ZFAT: variants seen among roughly 807,000 people sequenced by gnomAD.
The protein encoded by ZFAT is zinc finger and AT-hook domain containing.
A neutral mutation model predicts 117.7 loss-of-function variants in ZFAT; 64 were observed. That is an observed-to-expected ratio of 0.54 (90% confidence interval 0.44 to 0.67). The LOEUF is 0.67. Among genes scored for constraint, ZFAT ranks in the 30% least tolerant of loss-of-function variants. The pLI is 0.00. For synonymous variants in ZFAT, 679 were observed against 615.0 expected (o/e 1.10, Z -1.54); for missense variants, 1,433 against 1,584.5 (o/e 0.90, Z 1.62).
At chr8:134,621,717 A>G (rs2131023140) in intron 3 of ZFAT, among the ~76,000 whole-genome samples, 1 of 152,334 alleles carries the variant, frequency 6.6e-6, no homozygotes, top group Non-Finnish European at 1.5e-5. Flanking sequence ...TCTCAGATTA[A>G]AGTGAATGAG....
At chr8:134,605,362 C>T (rs546828328) in intron 5 of ZFAT, among the ~76,000 whole-genome samples, 55 of 152,108 alleles carry the variant, frequency 3.6e-4, no homozygotes, top group East Asian at 1.9e-3. Flanking sequence ...CTGGCTAACA[C>T]GGTGAAACCC....
the ZFAT span, among the ~76,000 whole-genome samples, chr8:134,726,529 A>G: frequency 6.6e-6 from 1 of 152,186 alleles, no homozygotes; most frequent in South Asian, 2.1e-4. Flanking sequence ...GCTTGAGCCC[A>G]CTCACCCAAG....
intron 10 of ZFAT, among the ~76,000 whole-genome samples, chr8:134,570,005 G>A (rs1381304353): frequency 6.6e-6 from 1 of 152,152 alleles, no homozygotes; most frequent in African/African-American, 2.4e-5. Flanking sequence ...AAAGCCAAGA[G>A]CTTCACAGTG....
rs574798649 is a variant in ZFAT, at chr8:134,708,452, G to A, written c.19+4393C>T. The stretch of plus-strand genomic sequence containing the variant: ...TACCCCGTAAAGAAACAAATATGTC[G>A]TTACAGTTTTTTTAATTTAAAAAAA... On this transcript the variant is annotated intron_variant, in intron 1 of 15. Transcript: ENST00000377838. Among the ~76,000 whole-genome samples the A allele has an allele frequency of 3.1e-4, 47 of 151,334 alleles. 1 individual carries two copies. Among genetic ancestry groups the A allele is most frequent in the South Asian group, 2.1e-3 (10 of 4,796 alleles).
rs889198313 is a variant in ZFAT, at chr8:134,509,645, G to A, written c.3466C>T (p.Pro1156Ser). 1.2e-6 allele frequency: 2 copies of A among 1,612,908 alleles called. No homozygotes were observed. The highest frequency in any genetic ancestry group is 1.3e-5 in the African/African-American group (1 of 74,680). ...TGCTTAACCACAGTCACCGTCCCTG[G>A]TGCCATGGCAACCACCGAGGCAAGG... The part of the protein sequence containing the change: ...TALASVVAMA[P>S]GTVTVVKQVT... The change falls in exon 15 of 16, where the codon CCA (proline) becomes TCA (serine). Residue 1156 changes from proline to serine, a missense_variant. Transcript: ENST00000377838.
chr8:134,605,500 C>A (rs748060156), intron 5 of ZFAT, among the ~76,000 whole-genome samples: 1 of 150,656 alleles, frequency 6.6e-6, no homozygotes, highest in African/African-American at 2.5e-5. Context: ...GAGCCCAGAT[C>A]GCGCCACTGC....
In ZFAT at chr8:134,496,567, G is replaced by A. The variant is rs139648365; in HGVS notation, c.3492+13052C>T. ...AGGGCAACTGGGCCCCACTAGCTCA[G>A]CTTCCCAACATCTGATCTGGAATTC... On this transcript the variant is annotated intron_variant, in intron 15 of 15. Transcript: ENST00000377838. 3.1e-3 allele frequency among the ~76,000 whole-genome samples: 467 copies of A among 152,330 alleles called. 2 individuals carry two copies. The highest frequency in any genetic ancestry group is 0.012 in the South Asian group (60 of 4,828).
chr8:134,814,358 C>T, the ZFAT span, among the ~76,000 whole-genome samples: 13 of 152,322 alleles, frequency 8.5e-5, no homozygotes, highest in African/African-American at 2.9e-4. Flanking sequence ...ACCTACCTCG[C>T]TTAAGAGAAG....
intron 11 of ZFAT, among the ~76,000 whole-genome samples, chr8:134,539,855 C>A (rs191668377): frequency 6.6e-6 from 1 of 151,444 alleles, no homozygotes; most frequent in East Asian, 1.9e-4. Flanking sequence ...ATGAACCAGG[C>A]GCAGGAGAAG....
chr8:134,795,969 T>C, the ZFAT span: 1 of 152,144 alleles, frequency 6.6e-6, no homozygotes, highest in South Asian at 2.1e-4. Context: ...CTTAACGTAA[T>C]GAAGCCTCCA....
intron 10 of ZFAT, among the ~76,000 whole-genome samples, chr8:134,575,252 T>C (rs977759829): frequency 1.3e-5 from 2 of 152,228 alleles, no homozygotes; most frequent in African/African-American, 4.8e-5. Context: ...AGTTTGCAGA[T>C]GTGATTAAGC....
rs1563710017 is a variant in ZFAT, at chr8:134,637,703, AC to A, written c.205del (p.Val69SerfsTer2). On this transcript the variant is annotated frameshift_variant, in exon 3 of 16. Transcript: ENST00000377838. LOFTEE classifies it high-confidence loss of function. Reference protein sequence around the residue: ...NSSKTGDEFLVMKRKRGRPKG... With the variant: ...NSSKTGDEFLXMKRKRGRPKG... ...AGGCCTGCCTCTCTTCCTCTTCATG[AC>A]CAAAAACTCTACAGAGGAAACAAGA... 6.2e-7 allele frequency: 1 copy of A among 1,613,704 alleles called. No homozygotes were observed. Among genetic ancestry groups the A allele is most frequent in the Non-Finnish European group, 8.5e-7 (1 of 1,179,862 alleles).
chr8:134,563,753 C>T (rs372760266), intron 11 of ZFAT, among the ~76,000 whole-genome samples: 8 of 152,146 alleles, frequency 5.3e-5, no homozygotes, highest in African/African-American at 7.2e-5. Flanking sequence ...AGTGCCTGCA[C>T]GCAATGGATG....
chr8:134,661,609 A>T (rs1831936799), intron 1 of ZFAT, among the ~76,000 whole-genome samples: 1 of 152,170 alleles, frequency 6.6e-6, no homozygotes, highest in Admixed American at 6.5e-5. Flanking sequence ...AGAAGGAAGG[A>T]GTACATTGGC....
chr8:134,800,550 C>T, the ZFAT span: 8 of 516,224 alleles, frequency 1.5e-5, no homozygotes, highest in Non-Finnish European at 2.4e-5. Context: ...CATCCACCTC[C>T]CAGCCAATCC....
chr8:134,773,885 C>A, the ZFAT span, among the ~76,000 whole-genome samples: 1 of 151,618 alleles, frequency 6.6e-6, no homozygotes, highest in African/African-American at 2.4e-5. Context: ...TTGGAAACTA[C>A]TCCTGGGAAC....
intron 13 of ZFAT, among the ~76,000 whole-genome samples, chr8:134,519,804 C>T (rs570627526): frequency 6.6e-6 from 1 of 152,206 alleles, no homozygotes; most frequent in Non-Finnish European, 1.5e-5. Flanking sequence ...AAGTAAGATG[C>T]TGGTGTTTGG....
the ZFAT span, among the ~76,000 whole-genome samples, chr8:134,744,844 C>A: frequency 1.3e-4 from 20 of 150,342 alleles, no homozygotes; most frequent in Admixed American, 1.1e-3. Flanking sequence ...ATTCTCCTGC[C>A]TCAGCCTCCC....
At chr8:134,629,453 G>A (rs1489726867) in intron 3 of ZFAT, among the ~76,000 whole-genome samples, 2 of 151,838 alleles carry the variant, frequency 1.3e-5, no homozygotes, top group Non-Finnish European at 2.9e-5. Context: ...TTGAACTCAG[G>A]TGGGGCCATG....
Sources: gnomAD v4.1 joint callset for allele counts (sites outside exome capture counted in the v4.1 genomes callset) on GRCh38, gnomAD v4.1.1 for gene constraint, MANE v1.5 for transcripts, NCBI Gene and HGNC (gene_info 2026-07-23, HGNC 2026-07-21) for gene names.